The following IQSEC1 variants were observed in gnomAD, a reference collection of about 807,000 sequenced individuals.
IQSEC1 encodes IQ motif and Sec7 domain ArfGEF 1, also known as IQ motif and SEC7 domain-containing protein 1.
In IQSEC1, 31 loss-of-function variants were observed where a neutral mutation model predicts 91.0. The ratio of observed to expected loss-of-function variants is 0.34; its 90% CI spans 0.26 to 0.46. The LOEUF (loss-of-function observed/expected upper bound fraction) is 0.46. Ranked by LOEUF, IQSEC1 falls within the 20% of genes least tolerant of loss-of-function variation. The pLI is 1.00. For missense variants in IQSEC1, 1,388 were observed against 1,575.6 expected, an observed-to-expected ratio of 0.88 and a Z score of 2.02; for synonymous variants, 699 against 662.6, an observed-to-expected ratio of 1.05 and a Z score of -0.84.
rs571148271 is a variant in IQSEC1 at position 12,994,721 on chromosome 3, G to A, written c.24-52856C>T. On this transcript the variant is annotated intron_variant, in intron 1 of 13. Transcript: ENST00000613206. This position sits in a 1 kb window ranked among gnomAD's most constrained non-coding sequence, Gnocchi z 4.5. ...GCACAGCTGCACCACGCTCCTCCGCGTCCCCTCCAGGACACACCCTCCTGA... is the reference window on the plus strand; with the variant it reads ...GCACAGCTGCACCACGCTCCTCCGCATCCCCTCCAGGACACACCCTCCTGA... Among the ~76,000 whole-genome samples, 4 of 152,256 alleles carry A rather than the reference G, an allele frequency of 2.6e-5. No homozygotes were observed. Among genetic ancestry groups the A allele is most frequent in the African/African-American group, 9.6e-5 (4 of 41,540 alleles).
intron 9 of IQSEC1, among the ~76,000 whole-genome samples, chr3:12,911,960 A>G (rs545261931): frequency 9.2e-5 from 14 of 152,346 alleles, no homozygotes; most frequent in African/African-American, 3.4e-4. Flanking sequence ...TAGAGGCGGT[A>G]GGCACTTCAC....
intron 1 of IQSEC1, among the ~76,000 whole-genome samples, chr3:13,201,826 A>G (rs557899970): frequency 1.3e-5 from 2 of 152,366 alleles, no homozygotes; most frequent in East Asian, 3.9e-4. Flanking sequence ...CCATTAATTT[A>G]GCCTCAATGC....
In IQSEC1 at chr3:13,241,814, C is replaced by T. The variant is rs112821737; in HGVS notation, c.272+40897G>A. Among the ~76,000 whole-genome samples the T allele has an allele frequency of 5.9e-3, 899 of 152,338 alleles. 11 individuals are homozygous for T. Among genetic ancestry groups the T allele is most frequent in the African/African-American group, 0.02 (844 of 41,580 alleles). The stretch of plus-strand genomic sequence containing the variant: ...GGCCCCTGGACCCCTCTCTCTCACA[C>T]GCTAACCTCCCAGAGCCTCTGAGGC... On this transcript the variant is annotated intron_variant, in intron 1 of 15. Transcript: ENST00000648114.
intron 1 of IQSEC1, among the ~76,000 whole-genome samples, chr3:13,049,906 T>G (rs914167168): frequency 2.0e-5 from 3 of 152,114 alleles, no homozygotes; most frequent in African/African-American, 7.2e-5. Context: ...AACCAGACAG[T>G]ACGGTCGCTG....
intron 2 of IQSEC1, among the ~76,000 whole-genome samples, chr3:13,139,353 C>T (rs559750888): frequency 2.3e-4 from 35 of 152,318 alleles, no homozygotes; most frequent in African/African-American, 8.4e-4. Context: ...CTATAAGAGA[C>T]AGAAAAAGAC....
At position 12,999,469 on chromosome 3, in the gene IQSEC1, G is replaced by A. The variant is rs375753298; in HGVS notation, c.24-57604C>T. On this transcript the variant is annotated intron_variant, in intron 1 of 13. Coordinates refer to ENST00000613206, the MANE Select transcript of IQSEC1 (RefSeq NM_001134382.3). ...CTCTTAGTTCATATTTCCTCTCTAG[G>A]TTACCCCTGGCAATGGTCTCGTCTG... is the stretch of plus-strand genomic sequence containing the variant. Among the ~76,000 whole-genome samples, 8 of 152,222 alleles carry A rather than the reference G, an allele frequency of 5.3e-5. No individual in the cohort carries two copies. In the East Asian group the frequency reaches 1.2e-3, roughly 22 times the overall value.
chr3:12,967,367 G>A lies in IQSEC1; in HGVS notation c.24-25502C>T, dbSNP rs747738717. On this transcript the variant is annotated intron_variant, in intron 1 of 13. Transcript: ENST00000613206. The surrounding 1 kb of genome is among the most constrained non-coding windows in gnomAD (Gnocchi z 5.9). The stretch of plus-strand genomic sequence containing the variant: ...CGCTCAGCACCCGGGAAGGCCGCTC[G>A]CCCCGCGCCGCGCCCTCACCCGCTG... 2 of 1,529,516 alleles carry A rather than the reference G, an allele frequency of 1.3e-6. No homozygotes were observed. The highest frequency in any genetic ancestry group is 1.2e-5 in the South Asian group (1 of 83,022). 94.7% of individuals were successfully genotyped at this position (1,529,516 alleles called of 1,614,324 possible).
chr3:13,164,998 G>A (rs1576278718), intron 1 of IQSEC1, among the ~76,000 whole-genome samples: 2 of 152,212 alleles, frequency 1.3e-5, no homozygotes, highest in South Asian at 2.1e-4. Context: ...GGAAGTCAGA[G>A]CACATGCTGC....
intron 1 of IQSEC1, among the ~76,000 whole-genome samples, chr3:13,264,102 C>T (rs982860621): frequency 6.6e-6 from 1 of 152,186 alleles, no homozygotes; most frequent in Admixed American, 6.5e-5. Flanking sequence ...TTGAGCCGGA[C>T]GGCGCCGGCC....
chr3:13,067,157 C>A (rs946255171), intron 1 of IQSEC1, among the ~76,000 whole-genome samples: 3 of 152,170 alleles, frequency 2.0e-5, no homozygotes, highest in Non-Finnish European at 4.4e-5. Context: ...CCTCAGAGAC[C>A]AAGGGGCAGG....
rs114993121 is a variant in IQSEC1 at position 13,027,865 on chromosome 3, C to T, written c.23+45127G>A. Among the ~76,000 whole-genome samples the T allele has an allele frequency of 2.1e-3, 323 of 152,302 alleles. 5 individuals carry two copies. The highest frequency in any genetic ancestry group is 7.3e-3 in the African/African-American group (302 of 41,558). Reference sequence around the variant, plus strand: ...CAGATATCAGAAATCCAGGTTTTTACGTAACAGCTCTTGATTTTTATATGT... The same window carrying T: ...CAGATATCAGAAATCCAGGTTTTTATGTAACAGCTCTTGATTTTTATATGT... On this transcript the variant is annotated intron_variant, in intron 1 of 13. Coordinates refer to ENST00000613206, the MANE Select transcript of IQSEC1 (RefSeq NM_001134382.3).
intron 1 of IQSEC1, among the ~76,000 whole-genome samples, chr3:13,006,810 T>C (rs1307076270): frequency 6.6e-6 from 1 of 152,208 alleles, no homozygotes. Flanking sequence ...TGGGGAACTC[T>C]ACCTTTTAAA....
At chr3:13,172,926 C>G (rs1214891481) in intron 1 of IQSEC1, among the ~76,000 whole-genome samples, 1 of 152,210 alleles carries the variant, frequency 6.6e-6, no homozygotes, top group African/African-American at 2.4e-5. Flanking sequence ...TTCTCTCTCA[C>G]TCCAGGCTGT....
chr3:13,170,425 G>C (rs1287573612), intron 1 of IQSEC1, among the ~76,000 whole-genome samples: 1 of 152,214 alleles, frequency 6.6e-6, no homozygotes, highest in Non-Finnish European at 1.5e-5. Flanking sequence ...GTCCCTACTG[G>C]GGCACTGCCA....
At chr3:12,954,345 C>T (rs572843857) in intron 1 of IQSEC1, among the ~76,000 whole-genome samples, 3 of 152,236 alleles carry the variant, frequency 2.0e-5, no homozygotes, top group Non-Finnish European at 2.9e-5. Context: ...CTCCCTCCCC[C>T]CTCACAGCTT....
At chr3:13,048,887 C>A (rs1704590129) in intron 1 of IQSEC1, among the ~76,000 whole-genome samples, 1 of 152,238 alleles carries the variant, frequency 6.6e-6, no homozygotes, top group Admixed American at 6.5e-5. Flanking sequence ...CCCCTCTCCC[C>A]TTGAGCCAGA....
intron 2 of IQSEC1, among the ~76,000 whole-genome samples, chr3:13,157,762 C>CA (rs1707106094): frequency 6.6e-6 from 1 of 152,086 alleles, no homozygotes; most frequent in Non-Finnish European, 1.5e-5. Context: ...TCTGAGCAGC[C>CA]GCGTCTCCAC....
chr3:13,202,502 G>A (rs1431111796), intron 1 of IQSEC1, among the ~76,000 whole-genome samples: 4 of 152,156 alleles, frequency 2.6e-5, no homozygotes, highest in Non-Finnish European at 4.4e-5. Context: ...CCTTGAGGAC[G>A]TTACTCTAGG....
In IQSEC1 at chr3:12,935,860, A is replaced by G; in HGVS notation, c.1156T>C (p.Ser386Pro). 6.2e-7 allele frequency: 1 copy of G among 1,606,884 alleles called. No homozygotes were observed. The highest frequency in any genetic ancestry group is 8.5e-7 in the Non-Finnish European group (1 of 1,179,688). Residue 386 changes from serine (S) to proline (P), a missense_variant, in exon 3 of 14, where the codon TCA becomes CCA. Around this residue, in one of 2 missense-constraint regions of IQSEC1, gnomAD observed 1,059 missense variants for 1,317.8 expected, o/e 0.80. Coordinates refer to ENST00000613206, the MANE Select transcript of IQSEC1 (RefSeq NM_001134382.3). The surrounding 1 kb of genome is among the most constrained non-coding windows in gnomAD (Gnocchi z 8.0). Reference protein sequence around the residue: ...VDLSDRSERGSLKRQSAYERS... With the variant: ...VDLSDRSERGPLKRQSAYERS... ...TCGTAAGCACTCTGCCTCTTGAGTG[A>G]CCCCCGCTCCGAGCGGTCACTAAGG...
Sources: allele counts gnomAD v4.1 joint callset (sites outside exome capture counted in the v4.1 genomes callset), GRCh38; gene constraint gnomAD v4.1.1; regional missense constraint gnomAD v4.1.1; non-coding constraint Gnocchi (gnomAD v3.1); transcripts MANE v1.5; gene names NCBI Gene and HGNC (gene_info 2026-07-23, HGNC 2026-07-21).